SEPTIN7: variants seen among roughly 807,000 people sequenced by gnomAD.
The protein encoded by SEPTIN7 is septin 7.
Under a neutral mutation model 63.3 loss-of-function variants are expected in SEPTIN7, and 10 were observed. The ratio of observed to expected loss-of-function variants is 0.16; its 90% confidence interval spans 0.10 to 0.27. The LOEUF is 0.27. Among genes scored for constraint, SEPTIN7 ranks in the 10% least tolerant of loss-of-function variants. The probability of loss-of-function intolerance (pLI) is 1.00; values close to 1 mark genes in which losing one functional copy is unlikely to be tolerated. For synonymous variants in SEPTIN7, 131 were observed against 165.3 expected (o/e 0.79, Z 1.59); for missense variants, 310 against 521.0 (o/e 0.59, Z 3.94).
chr7:35,896,687 G>A (rs1718163117), intron 11 of SEPTIN7, among the ~76,000 whole-genome samples: 1 of 152,164 alleles, frequency 6.6e-6, no homozygotes, highest in African/African-American at 2.4e-5. Flanking sequence ...TAAAATGCAG[G>A]TTCTTGTTCT....
intron 12 of SEPTIN7, 89 bp from the exon 13 acceptor site, chr7:35,902,987 A>G (rs1296961443): frequency 2.8e-6 from 4 of 1,435,540 alleles, no homozygotes; most frequent in Admixed American, 2.9e-5. Context: ...TAGTGCTCAT[A>G]CTCCTTATCA....
At chr7:35,842,878 A>G (rs878869292) in intron 3 of SEPTIN7, among the ~76,000 whole-genome samples, 2 of 152,198 alleles carry the variant, frequency 1.3e-5, no homozygotes, top group South Asian at 2.1e-4. Flanking sequence ...ATAATATACC[A>G]TCAAAATCAG....
intron 1 of SEPTIN7, among the ~76,000 whole-genome samples, chr7:35,829,133 T>TTTTTTTC (rs1214213766): frequency 9.2e-5 from 12 of 130,244 alleles, no homozygotes; most frequent in Non-Finnish European, 2.0e-4. Flanking sequence ...ACCTTCTTTT[T>TTTTTTTC]TTTTTTTTTT....
intron 3 of SEPTIN7, among the ~76,000 whole-genome samples, chr7:35,841,850 C>T (rs548341139): frequency 1.3e-5 from 2 of 152,308 alleles, no homozygotes; most frequent in African/African-American, 4.8e-5. Flanking sequence ...CTCTTTCTTT[C>T]TCCATAATGG....
At chr7:35,816,964 T>A (rs1789105382) in intron 1 of SEPTIN7, among the ~76,000 whole-genome samples, 1 of 152,116 alleles carries the variant, frequency 6.6e-6, no homozygotes, top group South Asian at 2.1e-4. Flanking sequence ...ATATAAGTCC[T>A]TTATCATATA....
chr7:35,904,573 A>G lies in SEPTIN7; in HGVS notation c.*280A>G. ...TCAGTTTAATGCAAGAGAACATTTTACTGTTGTACAATCATGTTCTGGTGG... is the reference window on the plus strand; with the variant it reads ...TCAGTTTAATGCAAGAGAACATTTTGCTGTTGTACAATCATGTTCTGGTGG... On this transcript the variant is annotated 3_prime_UTR_variant, in exon 14 of 14. Coordinates refer to ENST00000350320, the MANE Select transcript of SEPTIN7 (RefSeq NM_001788.6). The G allele has an allele frequency of 4.0e-6, 1 of 252,760 alleles. No homozygotes were observed. The highest frequency in any genetic ancestry group is 7.5e-6 in the Non-Finnish European group (1 of 133,774). 15.7% of individuals were successfully genotyped at this position (252,760 alleles called of 1,614,324 possible).
At chr7:35,857,357 A>G (rs1176339427) in intron 3 of SEPTIN7, among the ~76,000 whole-genome samples, 1 of 152,186 alleles carries the variant, frequency 6.6e-6, no homozygotes, top group African/African-American at 2.4e-5. Flanking sequence ...TCACCCAGTT[A>G]GTGTAGCTAT....
chr7:35,803,272 C>G (rs1316637878), intron 1 of SEPTIN7: 1 of 329,616 alleles, frequency 3.0e-6, no homozygotes, highest in African/African-American at 2.2e-5. Context: ...TGCACATTGT[C>G]CCGTAGAAGT....
chr7:35,848,461 G>A (rs570924762), intron 3 of SEPTIN7, among the ~76,000 whole-genome samples: 4 of 151,960 alleles, frequency 2.6e-5, no homozygotes, highest in South Asian at 2.1e-4. Context: ...TAGTAGAGAC[G>A]GGGTTTCAGC....
intron 6 of SEPTIN7, among the ~76,000 whole-genome samples, chr7:35,877,483 A>G (rs1213943059): frequency 2.0e-5 from 3 of 152,328 alleles, no homozygotes; most frequent in African/African-American, 7.2e-5. Context: ...TTATTTTAAA[A>G]TGTCAGTCAA....
chr7:35,835,931 A>G (rs1274580130), intron 3 of SEPTIN7, among the ~76,000 whole-genome samples: 1 of 152,174 alleles, frequency 6.6e-6, no homozygotes, highest in East Asian at 1.9e-4. Context: ...TGGAGGAGGA[A>G]GATAGGTTGT....
At chr7:35,880,068 T>G (rs1238910445) in intron 7 of SEPTIN7, 128 bp downstream of exon 7, 3 of 608,272 alleles carry the variant, frequency 4.9e-6, no homozygotes, top group Non-Finnish European at 9.0e-6. Flanking sequence ...TATACTGTAT[T>G]AGAAATAACT....
intron 1 of SEPTIN7, among the ~76,000 whole-genome samples, chr7:35,819,707 T>C (rs1460051391): frequency 6.6e-6 from 1 of 152,190 alleles, no homozygotes; most frequent in Non-Finnish European, 1.5e-5. Flanking sequence ...GGTAACAATA[T>C]GTCTTTTAAG....
intron 1 of SEPTIN7, among the ~76,000 whole-genome samples, chr7:35,818,095 G>C (rs1789193547): frequency 1.3e-5 from 2 of 151,944 alleles, no homozygotes; most frequent in Non-Finnish European, 2.9e-5. Context: ...AAAGCATTCA[G>C]TCTTTCATCA....
In SEPTIN7 at chr7:35,884,788, GT is replaced by G. The variant is rs374108528; in HGVS notation, c.820+807del. 5.1e-3 allele frequency among the ~76,000 whole-genome samples: 771 copies of G among 152,246 alleles called. 11 individuals carry two copies. Among genetic ancestry groups the G allele is most frequent in the African/African-American group, 0.018 (731 of 41,556 alleles). The stretch of plus-strand genomic sequence containing the variant: ...ATCCTCTTTACTAGTTTTGTAAGGA[GT>G]TTTTTGTTTTCTTTTTTAACCTGCT... On this transcript the variant is annotated intron_variant, in intron 9 of 13. Coordinates refer to ENST00000350320, the MANE Select transcript of SEPTIN7 (RefSeq NM_001788.6).
At chr7:35,824,257 T>C (rs1442605833) in intron 1 of SEPTIN7, among the ~76,000 whole-genome samples, 9 of 152,154 alleles carry the variant, frequency 5.9e-5, no homozygotes, top group Admixed American at 1.3e-4. Context: ...CCAGAGCATT[T>C]GGTATAGTTA....
At chr7:35,824,731 A>G (rs1250233174) in intron 1 of SEPTIN7, among the ~76,000 whole-genome samples, 1 of 152,246 alleles carries the variant, frequency 6.6e-6, no homozygotes, top group African/African-American at 2.4e-5. Flanking sequence ...TCCAATAGCA[A>G]TTTGATGCAA....
In SEPTIN7 at chr7:35,903,224, T is replaced by G; in HGVS notation, c.1274+9T>G. Reference sequence around the variant, plus strand: ...CAACAGAACTCTTCAAGGTAACTAATAGCAGATTACTAAGAAATGTGTGTA... The same window carrying G: ...CAACAGAACTCTTCAAGGTAACTAAGAGCAGATTACTAAGAAATGTGTGTA... On this transcript the variant is annotated intron_variant, in intron 13 of 13. Coordinates refer to ENST00000350320, the MANE Select transcript of SEPTIN7 (RefSeq NM_001788.6). The G allele has an allele frequency of 6.5e-7, 1 of 1,542,104 alleles. No homozygotes were observed. Among genetic ancestry groups the G allele is most frequent in the East Asian group, 2.3e-5 (1 of 42,836 alleles).
At position 35,888,216 on chromosome 7, in the gene SEPTIN7, A is replaced by C. The variant is rs548359454; in HGVS notation, c.872+2337A>C. Among the ~76,000 whole-genome samples the C allele has an allele frequency of 5.3e-5, 8 of 152,334 alleles. No homozygotes were observed. The South Asian group carries it at 1.7e-3, about 32-fold the overall frequency. On this transcript the variant is annotated intron_variant, in intron 10 of 13. Coordinates refer to ENST00000350320, the MANE Select transcript of SEPTIN7 (RefSeq NM_001788.6). ...ACTGTGGGGAAACTATTGCTAATTA[A>C]CAAATTATTTTGAGAATGGAGGAGT...
Sources: allele counts gnomAD v4.1 joint callset (sites outside exome capture counted in the v4.1 genomes callset), GRCh38; gene constraint gnomAD v4.1.1; transcripts MANE v1.5; gene names NCBI Gene and HGNC (gene_info 2026-07-23, HGNC 2026-07-21).